The following SMOC2 variants were observed in gnomAD, a reference collection of about 807,000 sequenced individuals.
The protein encoded by SMOC2 is SPARC-related modular calcium-binding protein 2.
Under a neutral mutation model 61.4 loss-of-function variants are expected in SMOC2, and 39 were observed. The ratio of observed to expected loss-of-function variants is 0.64; its 90% CI spans 0.49 to 0.83. The LOEUF (loss-of-function observed/expected upper bound fraction) is 0.83, where lower values mean the gene tolerates loss of function less well. Among genes scored for constraint, SMOC2 ranks in the 40% least tolerant of loss-of-function variants. The probability of loss-of-function intolerance (pLI) is 0.00; values close to 1 mark genes in which losing one functional copy is unlikely to be tolerated. For missense variants in SMOC2, 556 were observed against 592.9 expected, an observed-to-expected ratio of 0.94 and a Z score of 0.65; for synonymous variants, 247 against 239.9, an observed-to-expected ratio of 1.03 and a Z score of -0.27.
At chr6:168,582,980 C>T (rs1356866546) in intron 7 of SMOC2, among the ~76,000 whole-genome samples, 1 of 152,118 alleles carries the variant, frequency 6.6e-6, no homozygotes, top group Non-Finnish European at 1.5e-5. Context: ...ACGCCAGACT[C>T]GTCCAGGCTC....
chr6:168,471,877 G>GC (rs1229150659), intron 1 of SMOC2, among the ~76,000 whole-genome samples: 1 of 152,128 alleles, frequency 6.6e-6, no homozygotes, highest in African/African-American at 2.4e-5. Context: ...CAAGTCCTGT[G>GC]CCCATTTTTC....
chr6:168,545,670 C>T (rs999025696), intron 5 of SMOC2, among the ~76,000 whole-genome samples: 27 of 152,216 alleles, frequency 1.8e-4, no homozygotes, highest in African/African-American at 5.1e-4. Flanking sequence ...TCACCCTGTC[C>T]TCAGGCCACA....
chr6:168,492,799 G>T (rs1021205150), intron 1 of SMOC2, among the ~76,000 whole-genome samples: 1 of 152,200 alleles, frequency 6.6e-6, no homozygotes, highest in Non-Finnish European at 1.5e-5. Flanking sequence ...TTGTCACTCT[G>T]AGCAAGACAT....
At chr6:168,514,147 C>T (rs2609323) in intron 2 of SMOC2, among the ~76,000 whole-genome samples, 136,341 of 152,230 alleles carry the variant, frequency 0.9, 61,973 homozygotes, top group East Asian at 1. Context: ...CCTGCCCCAA[C>T]GCTGCAAATT....
At chr6:168,515,362 C>G (rs532662722) in intron 2 of SMOC2, among the ~76,000 whole-genome samples, 1 of 152,184 alleles carries the variant, frequency 6.6e-6, no homozygotes, top group East Asian at 1.9e-4. Flanking sequence ...GACTGTTCCC[C>G]GCGCATCACA....
At chr6:168,489,355 A>G (rs1782415626) in intron 1 of SMOC2, among the ~76,000 whole-genome samples, 1 of 150,260 alleles carries the variant, frequency 6.7e-6, no homozygotes, top group Non-Finnish European at 1.5e-5. Flanking sequence ...AGTGAAATAT[A>G]TCAAATCATC....
At chr6:168,509,750 G>A (rs571989715) in intron 1 of SMOC2, among the ~76,000 whole-genome samples, 165 bp from the exon 2 acceptor site, 1 of 152,334 alleles carries the variant, frequency 6.6e-6, no homozygotes, top group East Asian at 1.9e-4. Flanking sequence ...TGGCTAAAAT[G>A]TTCAGAGGTG....
chr6:168,480,577 T>C (rs1206474715), intron 1 of SMOC2, among the ~76,000 whole-genome samples: 1 of 151,888 alleles, frequency 6.6e-6, no homozygotes, highest in Non-Finnish European at 1.5e-5. Flanking sequence ...GTCTGAGAAA[T>C]ATATTTTTTT....
chr6:168,586,516 A>C (rs1173369417), intron 7 of SMOC2, among the ~76,000 whole-genome samples: 2 of 152,208 alleles, frequency 1.3e-5, no homozygotes, highest in African/African-American at 4.8e-5. Context: ...GTCAGTTTCT[A>C]CTATAGAGCT....
At chr6:168,597,108 G>A (rs756065323) in intron 7 of SMOC2, among the ~76,000 whole-genome samples, 1 of 152,264 alleles carries the variant, frequency 6.6e-6, no homozygotes, top group Non-Finnish European at 1.5e-5. Context: ...GAGGTTGCCA[G>A]GGGAGAATGA....
chr6:168,534,319 C>T (rs1783684462), intron 4 of SMOC2, among the ~76,000 whole-genome samples: 1 of 152,058 alleles, frequency 6.6e-6, no homozygotes, highest in Non-Finnish European at 1.5e-5. Context: ...TCAACTGATA[C>T]TAAATTTAAA....
intron 1 of SMOC2, among the ~76,000 whole-genome samples, chr6:168,508,410 A>G (rs1562561439): frequency 1.3e-5 from 2 of 152,172 alleles, no homozygotes; most frequent in East Asian, 3.9e-4. Context: ...CTATGTGACA[A>G]TAATATAAAA....
chr6:168,477,651 C>T (rs910208750), intron 1 of SMOC2, among the ~76,000 whole-genome samples: 7 of 151,996 alleles, frequency 4.6e-5, no homozygotes, highest in South Asian at 2.1e-4. Context: ...ATTGTCTGTG[C>T]GCCCTCACTG....
chr6:168,527,831 A>T, intron 4 of SMOC2, 104 bp downstream of exon 4: 1 of 840,340 alleles, frequency 1.2e-6, no homozygotes, highest in South Asian at 1.5e-5. Flanking sequence ...AGGGAAATCC[A>T]GTTTGGCCGG....
chr6:168,467,950 T>C (rs1017377367), intron 1 of SMOC2, among the ~76,000 whole-genome samples: 2 of 152,254 alleles, frequency 1.3e-5, no homozygotes, highest in Non-Finnish European at 2.9e-5. Context: ...TATAGTTTTG[T>C]ATACTATAAA....
chr6:168,634,641 C>T (rs561487933), intron 9 of SMOC2, among the ~76,000 whole-genome samples: 1 of 152,166 alleles, frequency 6.6e-6, no homozygotes, highest in African/African-American at 2.4e-5. Flanking sequence ...GTTTTCCAAG[C>T]GCTAGGCTAC....
At chr6:168,601,152 A>G (rs1478177354) in intron 8 of SMOC2, among the ~76,000 whole-genome samples, 1 of 152,204 alleles carries the variant, frequency 6.6e-6, no homozygotes, top group Non-Finnish European at 1.5e-5. Flanking sequence ...ACCAGTAGAC[A>G]TTTGTGGGGG....
chr6:168,463,332 C>T (rs1395991589), intron 1 of SMOC2, among the ~76,000 whole-genome samples: 2 of 152,206 alleles, frequency 1.3e-5, no homozygotes, highest in East Asian at 3.8e-4. Context: ...CTCTAGAAAG[C>T]TATCCTGAAG....
rs932477377 is a variant in SMOC2, at chr6:168,608,140, C to T, written c.825-17C>T. The T allele has an allele frequency of 1.2e-6, 2 of 1,601,728 alleles. No homozygotes were observed. Among genetic ancestry groups the T allele is most frequent in the Non-Finnish European group, 1.7e-6 (2 of 1,173,222 alleles). On this transcript the variant is annotated splice_polypyrimidine_tract_variant and intron_variant, in intron 8 of 12. Coordinates refer to ENST00000356284, the MANE Select transcript of SMOC2 (RefSeq NM_001166412.2). ...GTTGTTTTCTCTCTCCTTCCCCCGCCTTCCCCCCGCCCATAGGTACGAGCA... is the reference window on the plus strand; with the variant it reads ...GTTGTTTTCTCTCTCCTTCCCCCGCTTTCCCCCCGCCCATAGGTACGAGCA...
Sources: gnomAD v4.1 joint callset for allele counts (sites outside exome capture counted in the v4.1 genomes callset) on GRCh38, gnomAD v4.1.1 for gene constraint, MANE v1.5 for transcripts, NCBI Gene and HGNC (gene_info 2026-07-23, HGNC 2026-07-21) for gene names.